Variants in CADPS observed in about 807,000 individuals in gnomAD.
CADPS encodes the protein calcium dependent secretion activator.
Under a neutral mutation model 167.3 loss-of-function variants are expected in CADPS, and 57 were observed. The ratio of observed to expected loss-of-function variants is 0.34; its 90% CI spans 0.28 to 0.42. CADPS has a LOEUF of 0.42. CADPS is among the 20% of genes least tolerant of loss of function. The pLI, the probability that CADPS is intolerant of heterozygous loss-of-function variation, is 1.00. For synonymous variants in CADPS, 676 were observed against 635.3 expected (o/e 1.06, Z -0.96); for missense variants, 1,414 against 1,738.1 (o/e 0.81, Z 3.32).
chr3:62,647,902 C>T (rs1289347561), intron 5 of CADPS, among the ~76,000 whole-genome samples: 2 of 152,202 alleles, frequency 1.3e-5, no homozygotes, highest in Non-Finnish European at 2.9e-5. Flanking sequence ...CCCACAGTGG[C>T]ATTCTACAAA....
chr3:62,757,214 C>T (rs1477813442), intron 2 of CADPS, among the ~76,000 whole-genome samples: 1 of 152,164 alleles, frequency 6.6e-6, no homozygotes, highest in East Asian at 1.9e-4. Context: ...TTCTCCTCTA[C>T]ATCTATGCAC....
chr3:62,834,441 C>T (rs1265336483), intron 1 of CADPS, among the ~76,000 whole-genome samples: 1 of 152,152 alleles, frequency 6.6e-6, no homozygotes, highest in African/African-American at 2.4e-5. Context: ...GGTACTAGCA[C>T]TTCATCAGTG....
intron 3 of CADPS, among the ~76,000 whole-genome samples, chr3:62,700,728 G>T (rs13090570): frequency 0.55 from 84,145 of 151,940 alleles, 24,685 homozygotes; most frequent in East Asian, 0.89. Context: ...CCATTCTTAT[G>T]CTCAGTTTAG....
chr3:62,510,860 T>C (rs1165153528), intron 17 of CADPS, among the ~76,000 whole-genome samples: 1 of 152,126 alleles, frequency 6.6e-6, no homozygotes, highest in Non-Finnish European at 1.5e-5. Context: ...AGAAAAAACA[T>C]TTAAAGGCCA....
intron 1 of CADPS, among the ~76,000 whole-genome samples, chr3:62,832,116 T>C (rs1026123881): frequency 8.5e-5 from 13 of 152,314 alleles, no homozygotes; most frequent in African/African-American, 2.9e-4. Context: ...TTAAGAGTTA[T>C]ACAAGAAAAA....
intron 17 of CADPS, among the ~76,000 whole-genome samples, chr3:62,510,707 G>C (rs948676629): frequency 6.6e-6 from 1 of 152,062 alleles, no homozygotes; most frequent in South Asian, 2.1e-4. Flanking sequence ...TCAGTCCCCA[G>C]TATTCTACCC....
chr3:62,665,884 G>A lies in CADPS; in HGVS notation c.889-3490C>T, dbSNP rs552212421. Among the ~76,000 whole-genome samples the A allele has an allele frequency of 5.9e-5, 9 of 152,290 alleles. No individual in the cohort carries two copies. The South Asian group carries it at 1.2e-3, about 21-fold the overall frequency. Reference sequence around the variant, plus strand: ...TGTCATGAGAATCAACGGAGACAACGGATATAAAGGGCTTAGTCCATGGCT... The same window carrying A: ...TGTCATGAGAATCAACGGAGACAACAGATATAAAGGGCTTAGTCCATGGCT... On this transcript the variant is annotated intron_variant, in intron 3 of 29. Transcript: ENST00000383710.
chr3:62,415,816 G>T (rs1314996102), intron 28 of CADPS, among the ~76,000 whole-genome samples: 1 of 152,146 alleles, frequency 6.6e-6, no homozygotes, highest in Non-Finnish European at 1.5e-5. Context: ...TTGGGGTAGC[G>T]GATGGCAATG....
At chr3:62,477,635 C>T (rs1435366069) in intron 23 of CADPS, among the ~76,000 whole-genome samples, 2 of 152,086 alleles carry the variant, frequency 1.3e-5, no homozygotes, top group Non-Finnish European at 2.9e-5. Flanking sequence ...TACAGCATTC[C>T]TAACCTAGTC....
intron 12 of CADPS, chr3:62,536,018 AT>A (rs1287987794): frequency 6.5e-6 from 1 of 153,836 alleles, no homozygotes; most frequent in Non-Finnish European, 1.4e-5. Flanking sequence ...TTTACAAATC[AT>A]TTTAACCTTT....
intron 6 of CADPS, among the ~76,000 whole-genome samples, chr3:62,618,684 G>A (rs946101292): frequency 6.6e-6 from 1 of 151,964 alleles, no homozygotes. Context: ...CTGATATTTT[G>A]TTCTTCCCAC....
chr3:62,474,370 G>A lies in CADPS; in HGVS notation c.3330-50C>T, dbSNP rs753432103. The A allele has an allele frequency of 7.0e-6, 11 of 1,568,870 alleles. No individual in the cohort carries two copies. The East Asian group carries it at 2.5e-4, about 35-fold the overall frequency. The stretch of plus-strand genomic sequence containing the variant: ...CCAATTCAGCGTTCAGATGGCAGCA[G>A]GTGGAGGAGATATTTTCTGAGAGGT... On this transcript the variant is annotated intron_variant, in intron 23 of 29. Transcript: ENST00000383710.
chr3:62,565,233 G>A (rs1030428577), intron 9 of CADPS, among the ~76,000 whole-genome samples: 1 of 152,186 alleles, frequency 6.6e-6, no homozygotes, highest in African/African-American at 2.4e-5. Flanking sequence ...CTCTGGGTTA[G>A]GGTTTGCAGC....
chr3:62,402,517 C>G (rs1189835388), intron 29 of CADPS, among the ~76,000 whole-genome samples: 1 of 152,110 alleles, frequency 6.6e-6, no homozygotes, highest in Non-Finnish European at 1.5e-5. Context: ...GGTGCACACA[C>G]AAGAACAAGG....
rs1451372707 is a variant in CADPS at position 62,874,890 on chromosome 3, C to G, written c.140G>C (p.Gly47Ala). The G allele has an allele frequency of 2.6e-5, 34 of 1,307,550 alleles. No individual in the cohort carries two copies. In the Admixed American group the frequency reaches 1.0e-3, roughly 39 times the overall value. The allele number at this position is 1,307,550 out of a possible 1,614,324, so 81.0% of individuals were successfully genotyped here. The change falls in exon 1 of 30, where the codon GGG becomes GCG. Residue 47 changes from glycine (G) to alanine (A), a missense_variant. Transcript: ENST00000383710. The surrounding 1 kb of genome is among the most constrained non-coding windows in gnomAD (Gnocchi z 7.1). ...GGCGCCGGCGCCGCCGCCCCCCAGCCCGGCGCTGCCGGCCGAGCCCTCGCT... is the reference window on the plus strand; with the variant it reads ...GGCGCCGGCGCCGCCGCCCCCCAGCGCGGCGCTGCCGGCCGAGCCCTCGCT... ...RTSEGSAGSA[G>A]LGGGGAGAGA...
At position 62,533,952 on chromosome 3, in the gene CADPS, T is replaced by C. The variant is rs983596612; in HGVS notation, c.2104-894A>G. Among the ~76,000 whole-genome samples, 4 of 152,194 alleles carry C rather than the reference T, an allele frequency of 2.6e-5. No homozygotes were observed. The East Asian group carries it at 5.8e-4, about 22-fold the overall frequency. On this transcript the variant is annotated intron_variant, in intron 12 of 29. Coordinates refer to ENST00000383710, the MANE Select transcript of CADPS (RefSeq NM_003716.4). ...TATGGGACCAGTCCAAACTCTGCTA[T>C]ACAAGACAATGGGAATTCAGATCTG...
intron 28 of CADPS, among the ~76,000 whole-genome samples, chr3:62,409,160 A>C (rs2048465853): frequency 6.6e-6 from 1 of 152,250 alleles, no homozygotes; most frequent in African/African-American, 2.4e-5. Flanking sequence ...AGGTTACATA[A>C]GCAGCCTATG....
chr3:62,591,278 T>G (rs1359856389), intron 7 of CADPS, among the ~76,000 whole-genome samples: 2 of 152,216 alleles, frequency 1.3e-5, no homozygotes, highest in East Asian at 3.8e-4. Context: ...GAAGCCTGAA[T>G]GTCTGTCAAT....
chr3:62,744,997 G>A (rs2081142869), intron 3 of CADPS, among the ~76,000 whole-genome samples: 1 of 152,200 alleles, frequency 6.6e-6, no homozygotes. Flanking sequence ...ATGGCTCTGG[G>A]AAATTAAATA....
Sources: allele counts gnomAD v4.1 joint callset (sites outside exome capture counted in the v4.1 genomes callset), GRCh38; gene constraint gnomAD v4.1.1; non-coding constraint Gnocchi (gnomAD v3.1); transcripts MANE v1.5; gene names NCBI Gene and HGNC (gene_info 2026-07-23, HGNC 2026-07-21).